The following RPGRIP1L variants were observed in gnomAD, a reference collection of about 807,000 sequenced individuals.
The protein encoded by RPGRIP1L is protein fantom.
Under a neutral mutation model 160.4 loss-of-function variants are expected in RPGRIP1L, and 131 were observed. The observed-to-expected ratio is 0.82, with a 90% CI of 0.71 to 0.94. The LOEUF (loss-of-function observed/expected upper bound fraction) is 0.94. Ranked by LOEUF, RPGRIP1L falls within the 40% of genes least tolerant of loss-of-function variation. The pLI is 0.00. For synonymous variants in RPGRIP1L, 510 were observed against 515.8 expected (o/e 0.99, Z 0.15); for missense variants, 1,522 against 1,535.8 (o/e 0.99, Z 0.15).
At chr16:53,658,955 C>T (rs1375300621) in intron 10 of RPGRIP1L, 77 bp from the exon 11 acceptor site, 12 of 946,070 alleles carry the variant, frequency 1.3e-5, no homozygotes, top group Non-Finnish European at 1.8e-5. Flanking sequence ...TACTTTAATT[C>T]CTGTTCCACA....
At chr16:53,695,934 C>T in intron 3 of RPGRIP1L, 2 of 498,100 alleles carry the variant, frequency 4.0e-6, no homozygotes, top group Non-Finnish European at 7.1e-6. Flanking sequence ...TAGCTTTTTT[C>T]ATTTAAATAG....
intron 16 of RPGRIP1L, among the ~76,000 whole-genome samples, chr16:53,648,626 G>GCACACACACACACACACA (rs113624342): frequency 2.3e-4 from 33 of 143,988 alleles, no homozygotes; most frequent in East Asian, 4.1e-4. Flanking sequence ...GCGCGCGCGC[G>GCACACACACACACACACA]CACACACACA....
chr16:53,615,619 G>A (rs558375883), intron 24 of RPGRIP1L, among the ~76,000 whole-genome samples: 28 of 151,574 alleles, frequency 1.8e-4, no homozygotes, highest in South Asian at 1.3e-3. Flanking sequence ...GATTACAGGC[G>A]CCTGCCACCA....
chr16:53,623,658 A>G (rs1281382145), intron 22 of RPGRIP1L, among the ~76,000 whole-genome samples: 1 of 152,138 alleles, frequency 6.6e-6, no homozygotes, highest in Non-Finnish European at 1.5e-5. Flanking sequence ...TGACAGCAAT[A>G]CTGATCTCTA....
intron 6 of RPGRIP1L, 21 bp downstream of exon 6, chr16:53,686,412 G>T: frequency 6.2e-7 from 1 of 1,609,478 alleles, no homozygotes; most frequent in South Asian, 1.1e-5. Flanking sequence ...TTATCAAAGT[G>T]ATATTTCTGT....
At chr16:53,653,340 A>G (rs1966956844) in intron 14 of RPGRIP1L, 5 of 1,090,226 alleles carry the variant, frequency 4.6e-6, no homozygotes, top group South Asian at 5.6e-5. Flanking sequence ...CTTCACTCCT[A>G]TAAAGTCAGT....
chr16:53,664,378 A>G (rs1295344738), intron 10 of RPGRIP1L, among the ~76,000 whole-genome samples: 1 of 152,084 alleles, frequency 6.6e-6, no homozygotes, highest in Non-Finnish European at 1.5e-5. Context: ...GCAAGCTACT[A>G]TTTCTGCCAC....
chr16:53,622,330 C>T lies in RPGRIP1L; in HGVS notation c.3321G>A (p.Gly1107=). ...AGTGAGCTGAGATCGCGCTACTGCACCCCAGCCCGGGAGACAATGCGAGAC... is the reference window on the plus strand; with the variant it reads ...AGTGAGCTGAGATCGCGCTACTGCATCCCAGCCCGGGAGACAATGCGAGAC... ...KQSLALSPGL[G]CSSAISAHCN... is the part of the protein sequence containing the mutation. The change falls in exon 23 of 27, where the codon GGG becomes GGA. Residue 1107 remains glycine, a synonymous_variant. Coordinates refer to ENST00000647211, the MANE Select transcript of RPGRIP1L (RefSeq NM_015272.5). 3.1e-6 allele frequency: 2 copies of T among 642,758 alleles called. No homozygotes were observed. The highest frequency in any genetic ancestry group is 1.7e-5 in the South Asian group (1 of 58,988). The allele number at this position is 642,758 out of a possible 1,614,324, so 39.8% of individuals were successfully genotyped here.
intron 6 of RPGRIP1L, among the ~76,000 whole-genome samples, chr16:53,676,745 G>A (rs1969209382): frequency 6.6e-6 from 1 of 152,064 alleles, no homozygotes; most frequent in Non-Finnish European, 1.5e-5. Context: ...CGATTCTCCT[G>A]CCTCAGCTTC....
chr16:53,615,168 C>A (rs1350672381), intron 24 of RPGRIP1L, among the ~76,000 whole-genome samples: 3 of 152,132 alleles, frequency 2.0e-5, no homozygotes, highest in African/African-American at 4.8e-5. Context: ...ACTGTTCCAT[C>A]CCTAGAGGCT....
At chr16:53,659,217 A>C in intron 10 of RPGRIP1L, 1 of 972,424 alleles carries the variant, frequency 1.0e-6, no homozygotes, top group African/African-American at 1.7e-5. Context: ...TTACTTACTT[A>C]TTAAGGCTCC....
chr16:53,696,441 A>G (rs1012407309), intron 2 of RPGRIP1L, 146 bp from the exon 3 acceptor site: 1 of 758,266 alleles, frequency 1.3e-6, no homozygotes, highest in Non-Finnish European at 2.2e-6. Context: ...ATGTTGTACC[A>G]TTGTTTACAT....
At chr16:53,664,231 C>T (rs1360505492) in intron 10 of RPGRIP1L, among the ~76,000 whole-genome samples, 1 of 152,192 alleles carries the variant, frequency 6.6e-6, no homozygotes, top group African/African-American at 2.4e-5. Context: ...TCTATGAGAT[C>T]TGTTACTTAT....
intron 10 of RPGRIP1L, among the ~76,000 whole-genome samples, chr16:53,663,438 T>C (rs1005269117): frequency 6.6e-6 from 1 of 151,990 alleles, no homozygotes; most frequent in South Asian, 2.1e-4. Flanking sequence ...AGCACAGAAA[T>C]AAAAATGGTT....
At chr16:53,658,594 G>A in intron 11 of RPGRIP1L, 130 bp from the exon 12 acceptor site, 1 of 886,408 alleles carries the variant, frequency 1.1e-6, no homozygotes, top group Non-Finnish European at 1.8e-6. Flanking sequence ...AAGTCTACAA[G>A]ACATTCCAGT....
chr16:53,671,895 G>A (rs1968767453), intron 8 of RPGRIP1L, among the ~76,000 whole-genome samples: 1 of 152,062 alleles, frequency 6.6e-6, no homozygotes, highest in South Asian at 2.1e-4. Flanking sequence ...GGGAAACATA[G>A]TATTTTTTAC....
chr16:53,668,021 G>T (rs1968417810), intron 9 of RPGRIP1L, among the ~76,000 whole-genome samples: 1 of 151,842 alleles, frequency 6.6e-6, no homozygotes, highest in South Asian at 2.1e-4. Context: ...TTGCGCCACT[G>T]CCCTCTAGCC....
chr16:53,621,684 T>C (rs970385396), intron 23 of RPGRIP1L, among the ~76,000 whole-genome samples: 16 of 152,180 alleles, frequency 1.1e-4, no homozygotes, highest in Admixed American at 8.5e-4. Context: ...AATTTATTTT[T>C]CAATGCTGGA....
intron 16 of RPGRIP1L, among the ~76,000 whole-genome samples, chr16:53,648,029 G>T (rs542136203): frequency 6.6e-6 from 1 of 150,856 alleles, no homozygotes; most frequent in Non-Finnish European, 1.5e-5. Context: ...GCATGAACCC[G>T]GGAGGCGGAG....
Sources: gnomAD v4.1 joint callset for allele counts (sites outside exome capture counted in the v4.1 genomes callset) on GRCh38, gnomAD v4.1.1 for gene constraint, MANE v1.5 for transcripts, NCBI Gene and HGNC (gene_info 2026-07-23, HGNC 2026-07-21) for gene names.